The following ZNF395 variants were observed in gnomAD, a reference collection of about 807,000 sequenced individuals.
The protein encoded by ZNF395 is zinc finger protein 395.
A neutral mutation model predicts 57.7 loss-of-function variants in ZNF395; 20 were observed. The ratio of observed to expected loss-of-function variants is 0.35; its 90% CI spans 0.24 to 0.50. ZNF395 has a LOEUF of 0.50. Among genes scored for constraint, ZNF395 ranks in the 20% least tolerant of loss-of-function variants. The probability of loss-of-function intolerance (pLI) is 0.97; values close to 1 mark genes in which losing one functional copy is unlikely to be tolerated. For synonymous variants in ZNF395, 295 were observed against 275.9 expected (o/e 1.07, Z -0.69); for missense variants, 606 against 671.2 (o/e 0.90, Z 1.07).
In ZNF395 at chr8:28,359,812, A is replaced by T. The variant is rs766751951; in HGVS notation, c.253T>A (p.Tyr85Asn). The T allele has an allele frequency of 6.2e-7, 1 of 1,613,772 alleles. No individual in the cohort carries two copies. Among genetic ancestry groups the T allele is most frequent in the Non-Finnish European group, 8.5e-7 (1 of 1,179,918 alleles). The change falls in exon 3 of 10, where the codon TAC becomes AAC. Residue 85 changes from tyrosine (Y) to asparagine (N), a missense_variant. Tyr to Asn is a moderately radical substitution (Grantham distance 143, BLOSUM62 -2). Around this residue, in one of 3 missense-constraint regions of ZNF395, gnomAD observed 309 missense variants for 374.7 expected, o/e 0.82. Transcript: ENST00000344423. The surrounding 1 kb of genome is among the most constrained non-coding windows in gnomAD (Gnocchi z 4.7). ...FQPGQKVYVWYGGQECTGLVE... is the reference protein window; with the variant it reads ...FQPGQKVYVWNGGQECTGLVE... ...AGTCCTGTGCACTCTTGACCCCCGTACCACACATAAACCTGTGGGAAGAGG... is the reference window on the plus strand; with the variant it reads ...AGTCCTGTGCACTCTTGACCCCCGTTCCACACATAAACCTGTGGGAAGAGG...
chr8:28,346,270 TG>T lies in ZNF395; in HGVS notation c.*2448del, dbSNP rs1432552500. The T allele has an allele frequency of 1.3e-5, 2 of 151,966 alleles. No homozygotes were observed. Among genetic ancestry groups the T allele is most frequent in the Admixed American group, 1.3e-4 (2 of 15,270 alleles). The allele number at this position is 151,966 out of a possible 1,614,324, so 9.4% of individuals were successfully genotyped here. On this transcript the variant is annotated 3_prime_UTR_variant, in exon 10 of 10. Coordinates refer to ENST00000344423, the MANE Select transcript of ZNF395 (RefSeq NM_018660.3). ...ATCAGAGTCTGCTGCCCGGGTGGGC[TG>T]GGAAGGAGGGAGATACAAAGAAGAA...
intron 1 of ZNF395, chr8:28,386,140 C>T (rs1585869708): frequency 1.4e-5 from 2 of 147,798 alleles, no homozygotes; most frequent in South Asian, 4.1e-4. Context: ...CCCGGCTCCG[C>T]TCCGGCCGCC....
intron 8 of ZNF395, 96 bp from the exon 9 acceptor site, chr8:28,349,324 G>T (rs1042694226): frequency 3.1e-6 from 3 of 960,604 alleles, no homozygotes; most frequent in African/African-American, 1.7e-5. Context: ...CCAGCTCCTG[G>T]TGCAGAAGGC....
At chr8:28,349,945 A>G (rs146991143) in intron 8 of ZNF395, 119 bp downstream of exon 8, 24 of 869,440 alleles carry the variant, frequency 2.8e-5, no homozygotes, top group Admixed American at 3.5e-5. Context: ...GCTGAAAGCA[A>G]GATGGCCACA....
intron 1 of ZNF395, among the ~76,000 whole-genome samples, chr8:28,375,622 C>T (rs1168150530): frequency 6.6e-6 from 1 of 152,038 alleles, no homozygotes; most frequent in Non-Finnish European, 1.5e-5. Flanking sequence ...AATTACACCT[C>T]AATTTAAAAA....
intron 2 of ZNF395, 30 bp downstream of exon 2, chr8:28,360,855 G>A: frequency 1.2e-6 from 2 of 1,609,674 alleles, no homozygotes; most frequent in South Asian, 1.1e-5. Context: ...TGGCAAGACG[G>A]GACACCTGTC....
At chr8:28,349,295 G>A (rs1801649033) in intron 8 of ZNF395, 67 bp from the exon 9 acceptor site, 13 of 1,327,248 alleles carry the variant, frequency 9.8e-6, no homozygotes, top group Non-Finnish European at 1.3e-5. Flanking sequence ...TATCCTAAAA[G>A]ACAGGCAGCC....
In ZNF395 at chr8:28,360,997, G is replaced by C; in HGVS notation, c.128C>G (p.Pro43Arg). Residue 43 changes from proline (P) to arginine (R), a missense_variant, in exon 2 of 10, where the codon CCC (proline) becomes CGC (arginine). Pro to Arg is a moderately radical substitution (Grantham distance 103, BLOSUM62 -2). Coordinates refer to ENST00000344423, the MANE Select transcript of ZNF395 (RefSeq NM_018660.3). ...GTCATCAGAGGTGGTGAAAGGCTGG[G>C]GAGCGGCCCCTTCTAGCAGTGGCTC... ...PSEPLLEGAA[P>R]QPFTTSDDTP... The C allele has an allele frequency of 6.2e-7, 1 of 1,611,762 alleles. No homozygotes were observed. Among genetic ancestry groups the C allele is most frequent in the Non-Finnish European group, 8.5e-7 (1 of 1,178,746 alleles).
Position 28,347,690 on chromosome 8 carries a change from T to A in ZNF395, c.*1029A>T, listed in dbSNP as rs1801622243. 6.6e-6 allele frequency: 1 copy of A among 152,184 alleles called. No homozygotes were observed. The allele number at this position is 152,184 out of a possible 1,614,324, so 9.4% of individuals were successfully genotyped here. ...CCTGCTTTCAGGCAGCAAACAGAAA[T>A]GGGGAAATCCCTGGTGGGGCCAGGA... is the stretch of plus-strand genomic sequence containing the variant. On this transcript the variant is annotated 3_prime_UTR_variant, in exon 10 of 10. Coordinates refer to ENST00000344423, the MANE Select transcript of ZNF395 (RefSeq NM_018660.3).
intron 1 of ZNF395, among the ~76,000 whole-genome samples, chr8:28,385,735 C>T (rs1802170164): frequency 6.7e-6 from 1 of 148,640 alleles, no homozygotes; most frequent in African/African-American, 2.4e-5. Flanking sequence ...GGGGCGAGTC[C>T]CGACTGCCCG....
At chr8:28,349,025 G>T (rs1801644284) in intron 9 of ZNF395, 100 bp downstream of exon 9, 1 of 1,283,034 alleles carries the variant, frequency 7.8e-7, no homozygotes, top group African/African-American at 1.5e-5. Context: ...TCCTCTCTGG[G>T]GACTAACCCT....
In ZNF395 at chr8:28,348,489, T is replaced by C; in HGVS notation, c.*230A>G. ...ACTGCTGAATAGCCTTGGTCAGTTT[T>C]GGCTCTCTCCTATTTTAGGGGGAAA... On this transcript the variant is annotated 3_prime_UTR_variant, in exon 10 of 10. Transcript: ENST00000344423. 2.0e-6 allele frequency: 1 copy of C among 492,026 alleles called. No homozygotes were observed. The highest frequency in any genetic ancestry group is 2.0e-5 in the South Asian group (1 of 48,848). The allele number at this position is 492,026 out of a possible 1,614,324, so 30.5% of individuals were successfully genotyped here. A position where few individuals can be genotyped will look rare whatever the true frequency, so the allele number is the denominator to read the frequency against.
intron 1 of ZNF395, among the ~76,000 whole-genome samples, chr8:28,377,205 T>C (rs891045027): frequency 6.6e-6 from 1 of 152,128 alleles, no homozygotes; most frequent in African/African-American, 2.4e-5. Context: ...CTAAAAAAAA[T>C]TTCATATGTA....
rs1303552609 is a variant in ZNF395, at chr8:28,359,462, C to T, written c.473+130G>A. The T allele has an allele frequency of 7.7e-7, 1 of 1,303,478 alleles. No homozygotes were observed. Among genetic ancestry groups the T allele is most frequent in the Non-Finnish European group, 1.0e-6 (1 of 964,498 alleles). 80.7% of individuals were successfully genotyped at this position (1,303,478 alleles called of 1,614,324 possible). On this transcript the variant is annotated intron_variant, in intron 3 of 9. Transcript: ENST00000344423. This position sits in a 1 kb window ranked among gnomAD's most constrained non-coding sequence, Gnocchi z 4.7. Reference sequence around the variant, plus strand: ...TAAAAGATTCCCCTTTTCTGTGTCCCATTTGTCCCAATATCTTGGCACCCA... The same window carrying T: ...TAAAAGATTCCCCTTTTCTGTGTCCTATTTGTCCCAATATCTTGGCACCCA...
At chr8:28,360,844 C>T (rs748592269) in intron 2 of ZNF395, 41 bp downstream of exon 2, 2 of 1,603,862 alleles carry the variant, frequency 1.2e-6, no homozygotes, top group African/African-American at 2.7e-5. Flanking sequence ...TACCCCAAGA[C>T]TGGCAAGACG....
intron 9 of ZNF395, 23 bp downstream of exon 9, chr8:28,349,102 G>A: frequency 1.9e-6 from 3 of 1,559,108 alleles, no homozygotes; most frequent in Non-Finnish European, 2.6e-6. Flanking sequence ...CCAGAAGGCA[G>A]GGGACGACAG....
At chr8:28,370,123 A>G (rs2129977693) in intron 1 of ZNF395, among the ~76,000 whole-genome samples, 1 of 152,354 alleles carries the variant, frequency 6.6e-6, no homozygotes, top group East Asian at 1.9e-4. Context: ...AATGGAGCCC[A>G]TGAGTTAGAT....
chr8:28,381,443 A>G (rs1802108893), intron 1 of ZNF395, among the ~76,000 whole-genome samples: 1 of 152,172 alleles, frequency 6.6e-6, no homozygotes, highest in African/African-American at 2.4e-5. Flanking sequence ...TCAGGCTCCC[A>G]AAGTGCTGGG....
intron 3 of ZNF395, among the ~76,000 whole-genome samples, chr8:28,358,256 T>A (rs576301038): frequency 1.3e-5 from 2 of 148,194 alleles, no homozygotes; most frequent in African/African-American, 5.0e-5. Flanking sequence ...ATTACAGGCA[T>A]GCGCCACCAT....
Sources: allele counts gnomAD v4.1 joint callset (sites outside exome capture counted in the v4.1 genomes callset), GRCh38; gene constraint gnomAD v4.1.1; regional missense constraint gnomAD v4.1.1; non-coding constraint Gnocchi (gnomAD v3.1); transcripts MANE v1.5; gene names NCBI Gene and HGNC (gene_info 2026-07-23, HGNC 2026-07-21).